Variants in CDKAL1 observed in about 807,000 individuals in gnomAD.
The protein encoded by CDKAL1 is CDKAL1 threonylcarbamoyladenosine tRNA methylthiotransferase, also known as threonylcarbamoyladenosine tRNA methylthiotransferase.
CDKAL1 carries 32 observed loss-of-function variants against 68.2 expected under a neutral mutation model. The ratio of observed to expected loss-of-function variants is 0.47; its 90% CI spans 0.35 to 0.63. The LOEUF (loss-of-function observed/expected upper bound fraction) is 0.63. Ranked by LOEUF, CDKAL1 falls within the 30% of genes least tolerant of loss-of-function variation. The probability of loss-of-function intolerance (pLI) is 0.00; values close to 1 mark genes in which losing one functional copy is unlikely to be tolerated. For synonymous variants in CDKAL1, 234 were observed against 244.3 expected, an observed-to-expected ratio of 0.96 and a Z score of 0.39; for missense variants, 606 against 696.7, an observed-to-expected ratio of 0.87 and a Z score of 1.47.
At chr6:21,185,795 T>G (rs1246590896) in intron 13 of CDKAL1, among the ~76,000 whole-genome samples, 1 of 152,210 alleles carries the variant, frequency 6.6e-6, no homozygotes, top group African/African-American at 2.4e-5. Flanking sequence ...CAATTTTCTT[T>G]CAAGAAAGAC....
At chr6:20,656,103 T>G (rs930144656) in intron 5 of CDKAL1, among the ~76,000 whole-genome samples, 2 of 152,132 alleles carry the variant, frequency 1.3e-5, no homozygotes, top group African/African-American at 4.8e-5. Context: ...CTAAGGCTGC[T>G]GTTCAGTTCA....
At chr6:20,928,762 G>C (rs1440168790) in intron 9 of CDKAL1, among the ~76,000 whole-genome samples, 2 of 141,062 alleles carry the variant, frequency 1.4e-5, no homozygotes, top group Non-Finnish European at 3.0e-5. Context: ...TGAACTCCTA[G>C]CCTCAAACCA....
chr6:20,926,556 G>T (rs1453799771), intron 9 of CDKAL1, among the ~76,000 whole-genome samples: 1 of 152,026 alleles, frequency 6.6e-6, no homozygotes, highest in East Asian at 1.9e-4. Context: ...TCATGAGAAT[G>T]GAAAATATGC....
chr6:21,154,177 T>C (rs983480233), intron 13 of CDKAL1, among the ~76,000 whole-genome samples: 1 of 150,346 alleles, frequency 6.7e-6, no homozygotes, highest in African/African-American at 2.4e-5. Context: ...ATGTTTTGCG[T>C]GTAAGTACTG....
At chr6:20,995,640 T>C (rs191308541) in intron 10 of CDKAL1, among the ~76,000 whole-genome samples, 134 of 152,256 alleles carry the variant, frequency 8.8e-4, no homozygotes, top group Middle Eastern at 3.4e-3. Context: ...TGTCAACACA[T>C]GTGCTCTCAC....
chr6:20,847,437 A>G (rs751361668), intron 9 of CDKAL1, among the ~76,000 whole-genome samples: 2 of 152,244 alleles, frequency 1.3e-5, no homozygotes, highest in Non-Finnish European at 2.9e-5. Flanking sequence ...TGTATCTGTC[A>G]GATAATGCGG....
intron 8 of CDKAL1, among the ~76,000 whole-genome samples, chr6:20,815,996 A>T (rs372865663): frequency 5.3e-5 from 8 of 152,250 alleles, no homozygotes; most frequent in African/African-American, 1.9e-4. Flanking sequence ...GCTATAGGAG[A>T]GAATCCTTTC....
intron 4 of CDKAL1, among the ~76,000 whole-genome samples, chr6:20,567,025 G>C (rs1764487628): frequency 6.6e-6 from 1 of 151,704 alleles, no homozygotes; most frequent in Non-Finnish European, 1.5e-5. Context: ...CTTATTTTTA[G>C]CTCTTGATCT....
At chr6:20,940,995 C>CAGA (rs1763946096) in intron 9 of CDKAL1, among the ~76,000 whole-genome samples, 1 of 151,542 alleles carries the variant, frequency 6.6e-6, no homozygotes, top group Non-Finnish European at 1.5e-5. Flanking sequence ...GAGGCTGAGG[C>CAGA]AGAATGCTGT....
At chr6:20,705,923 G>T (rs989098426) in intron 5 of CDKAL1, among the ~76,000 whole-genome samples, 1 of 152,128 alleles carries the variant, frequency 6.6e-6, no homozygotes, top group Non-Finnish European at 1.5e-5. Flanking sequence ...TTCATAGCGG[G>T]GTTGCTTTAT....
chr6:20,917,733 G>A (rs1197140136), intron 9 of CDKAL1, among the ~76,000 whole-genome samples: 1 of 152,126 alleles, frequency 6.6e-6, no homozygotes, highest in Non-Finnish European at 1.5e-5. Context: ...TTCCACATAT[G>A]AGTGAGAACA....
chr6:20,561,340 G>T (rs945106179), intron 4 of CDKAL1, among the ~76,000 whole-genome samples: 4 of 151,428 alleles, frequency 2.6e-5, no homozygotes, highest in African/African-American at 9.7e-5. Flanking sequence ...TACTGAGGAG[G>T]CTGAGGCATG....
At chr6:20,724,108 T>C (rs1480766389) in intron 5 of CDKAL1, among the ~76,000 whole-genome samples, 1 of 152,154 alleles carries the variant, frequency 6.6e-6, no homozygotes, top group Non-Finnish European at 1.5e-5. Context: ...ACTTTTTTTT[T>C]GTATTTTTTG....
chr6:20,830,866 C>A (rs1777687163), intron 8 of CDKAL1, among the ~76,000 whole-genome samples: 1 of 151,988 alleles, frequency 6.6e-6, no homozygotes, highest in Non-Finnish European at 1.5e-5. Context: ...ATCACTTGGT[C>A]TGCATTTCTT....
intron 4 of CDKAL1, among the ~76,000 whole-genome samples, chr6:20,592,212 C>T (rs922133618): frequency 1.3e-5 from 2 of 152,158 alleles, no homozygotes; most frequent in Admixed American, 1.3e-4. Context: ...GATTTTTGCA[C>T]ATTGATTTTG....
chr6:20,707,333 T>A (rs1404630334), intron 5 of CDKAL1, among the ~76,000 whole-genome samples: 1 of 152,238 alleles, frequency 6.6e-6, no homozygotes, highest in Admixed American at 6.5e-5. Context: ...GATGAAATAT[T>A]TGACTACTGG....
intron 4 of CDKAL1, among the ~76,000 whole-genome samples, chr6:20,629,850 A>G (rs9465843): frequency 0.48 from 73,154 of 151,350 alleles, 17,838 homozygotes; most frequent in East Asian, 0.64. Flanking sequence ...TACCCTGCTC[A>G]TACTTTTTTA....
chr6:20,586,978 G>GTTTTTTTTTTT lies in CDKAL1; in HGVS notation c.286+38288_286+38298dup, dbSNP rs750210435. Among the ~76,000 whole-genome samples, 5 of 44,456 alleles carry GTTTTTTTTTTT rather than the reference G, an allele frequency of 1.1e-4. 1 individual carries two copies. The highest frequency in any genetic ancestry group is 4.8e-4 in the African/African-American group (5 of 10,486). The allele number at this position is 44,456 out of a possible 152,430, so 29.2% of individuals were successfully genotyped here. A position where few individuals can be genotyped will look rare whatever the true frequency, so the allele number is the denominator to read the frequency against. ...TGCCTGGAATGTTCTTCCTCCAGGTGTTTTTTTTTTTTTTTTTTTTTTTTT... is the reference window on the plus strand; with the variant it reads ...TGCCTGGAATGTTCTTCCTCCAGGTGTTTTTTTTTTTTTTTTTTTTTTTTTTTTTTTTTTTT... On this transcript the variant is annotated intron_variant, in intron 4 of 15. Transcript: ENST00000274695.
chr6:21,130,985 C>CA (rs1195022684), intron 13 of CDKAL1, among the ~76,000 whole-genome samples: 2 of 152,154 alleles, frequency 1.3e-5, no homozygotes, highest in Non-Finnish European at 2.9e-5. Flanking sequence ...CACCAGCTCC[C>CA]AGGATGGGAT....
Sources: allele counts gnomAD v4.1 joint callset (sites outside exome capture counted in the v4.1 genomes callset), GRCh38; gene constraint gnomAD v4.1.1; transcripts MANE v1.5; gene names NCBI Gene and HGNC (gene_info 2026-07-23, HGNC 2026-07-21).